WHAMM: variants seen among roughly 807,000 people sequenced by gnomAD.
WHAMM encodes the protein WASP homolog associated with actin, golgi membranes and microtubules.
A neutral mutation model predicts 76.5 loss-of-function variants in WHAMM; 67 were observed. That is an observed-to-expected ratio of 0.88 (90% CI 0.72 to 1.07). The LOEUF is 1.07. WHAMM is among the 50% of genes least tolerant of loss of function. The pLI, the probability that WHAMM is intolerant of heterozygous loss-of-function variation, is 0.00. For missense variants in WHAMM, 1,021 were observed against 1,051.1 expected, an observed-to-expected ratio of 0.97 and a Z score of 0.40; for synonymous variants, 419 against 422.1, an observed-to-expected ratio of 0.99 and a Z score of 0.09.
chr15:82,827,522 T>C (rs938303993), intron 8 of WHAMM, among the ~76,000 whole-genome samples: 1 of 152,226 alleles, frequency 6.6e-6, no homozygotes, highest in African/African-American at 2.4e-5. Flanking sequence ...CACATAATCA[T>C]TGTACATATT....
In WHAMM at chr15:82,834,439, G is replaced by C. The variant is rs1221523798; in HGVS notation, c.*903G>C. ...CATAGGTGGGATGTCAAGACCCATC[G>C]GAAGTGTCGCTGGCCTAAGAGAAGA... On this transcript the variant is annotated 3_prime_UTR_variant, in exon 10 of 10. Coordinates refer to ENST00000286760, the MANE Select transcript of WHAMM (RefSeq NM_001080435.3). The C allele has an allele frequency of 6.6e-6, 1 of 152,584 alleles. No individual in the cohort carries two copies. Among genetic ancestry groups the C allele is most frequent in the Non-Finnish European group, 1.5e-5 (1 of 68,052 alleles). 9.5% of individuals were successfully genotyped at this position (152,584 alleles called of 1,614,324 possible). A position where few individuals can be genotyped will look rare whatever the true frequency, so the allele number is the denominator to read the frequency against.
intron 6 of WHAMM, 127 bp from the exon 7 acceptor site, chr15:82,826,283 G>C (rs114512914): frequency 7.7e-6 from 7 of 912,062 alleles, no homozygotes; most frequent in Non-Finnish European, 1.7e-6. Context: ...CCATTGGGCC[G>C]CTCCAGAACT....
At chr15:82,825,091 C>T (rs28539127) in intron 6 of WHAMM, among the ~76,000 whole-genome samples, 18,534 of 152,134 alleles carry the variant, frequency 0.12, 1,492 homozygotes, top group East Asian at 0.39. Context: ...TACCACTGCA[C>T]TTCAGCTGGG....
chr15:82,822,788 T>TA (rs1332330933), intron 5 of WHAMM, among the ~76,000 whole-genome samples: 1 of 151,720 alleles, frequency 6.6e-6, no homozygotes. Flanking sequence ...ACTCCATTGA[T>TA]ATGTGTAGCT....
chr15:82,809,736 G>T lies in WHAMM; in HGVS notation c.10G>T (p.Glu4Ter). 3 of 1,527,386 alleles carry T rather than the reference G, an allele frequency of 2.0e-6. No individual in the cohort carries two copies. In the South Asian group the frequency reaches 3.7e-5, roughly 19 times the overall value. The allele number at this position is 1,527,386 out of a possible 1,614,324, so 94.6% of individuals were successfully genotyped here. Reference sequence around the variant, plus strand: ...GCTGCTGCCGACAGCCATGGAGGACGAGCAGCCTGACAGCCTGGAGGGCTG... The same window carrying T: ...GCTGCTGCCGACAGCCATGGAGGACTAGCAGCCTGACAGCCTGGAGGGCTG... MED[E>*]QPDSLEGWVP... is the part of the protein sequence containing the mutation. Residue 4 changes from glutamate to a stop codon, truncating the protein, a stop_gained, in exon 1 of 10, where the codon GAG becomes TAG. Transcript: ENST00000286760. LOFTEE classifies it high-confidence loss of function.
intron 8 of WHAMM, among the ~76,000 whole-genome samples, chr15:82,828,969 G>T (rs1437931320): frequency 6.6e-6 from 1 of 152,184 alleles, no homozygotes; most frequent in Non-Finnish European, 1.5e-5. Context: ...AGGGAGTTCT[G>T]TGTTTACCAA....
At chr15:82,821,106 G>A (rs1299661673) in intron 5 of WHAMM, among the ~76,000 whole-genome samples, 2 of 152,038 alleles carry the variant, frequency 1.3e-5, no homozygotes, top group Non-Finnish European at 2.9e-5. Context: ...TTTATGAAAT[G>A]CCTATTCATA....
At position 82,810,171 on chromosome 15, in the gene WHAMM, C is replaced by T; in HGVS notation, c.445C>T (p.Leu149=). 2.1e-6 allele frequency: 3 copies of T among 1,402,626 alleles called. No individual in the cohort carries two copies. Among genetic ancestry groups the T allele is most frequent in the Non-Finnish European group, 1.9e-6 (2 of 1,074,098 alleles). The allele number at this position is 1,402,626 out of a possible 1,614,324, so 86.9% of individuals were successfully genotyped here. The change falls in exon 1 of 10, where the codon CTG becomes TTG. Residue 149 remains leucine, a synonymous_variant. Coordinates refer to ENST00000286760, the MANE Select transcript of WHAMM (RefSeq NM_001080435.3). ...EAALQELCGQ[L]ERYLGAAADG... is the part of the protein sequence containing the mutation. Reference sequence around the variant, plus strand: ...GGCGCTGCAGGAGCTGTGCGGGCAGCTGGAACGCTATCTGGGCGCGGCGGC... The same window carrying T: ...GGCGCTGCAGGAGCTGTGCGGGCAGTTGGAACGCTATCTGGGCGCGGCGGC...
chr15:82,814,020 C>G (rs1004337753), intron 2 of WHAMM, among the ~76,000 whole-genome samples: 1 of 152,014 alleles, frequency 6.6e-6, no homozygotes, highest in African/African-American at 2.4e-5. Context: ...TAAGGACTTA[C>G]GCAGATTTCT....
At chr15:82,822,277 A>G (rs1347433545) in intron 5 of WHAMM, among the ~76,000 whole-genome samples, 2 of 152,238 alleles carry the variant, frequency 1.3e-5, no homozygotes, top group African/African-American at 2.4e-5. Context: ...CAAGATCCTT[A>G]AATATTTATC....
chr15:82,816,899 A>C, intron 3 of WHAMM, 57 bp downstream of exon 3: 1 of 1,505,712 alleles, frequency 6.6e-7, no homozygotes, highest in Non-Finnish European at 8.9e-7. Context: ...CATTTTATTC[A>C]AATACCATTT....
Position 82,826,425 on chromosome 15 carries a change from A to C in WHAMM, c.1474A>C (p.Asn492His), listed in dbSNP as rs769594107. Residue 492 changes from asparagine (N) to histidine (H), a missense_variant, in exon 7 of 10, where the codon AAT becomes CAT. Asn to His is a moderately conservative substitution (Grantham distance 68). This residue lies in a region of WHAMM where 509 missense variants were observed against 492.3 expected (regional missense o/e 1.03). Coordinates refer to ENST00000286760, the MANE Select transcript of WHAMM (RefSeq NM_001080435.3). ...LRSRKDQCKE[N>H]HRFRLQQAEE... ...ATTCCACCAGGATCAGTGCAAAGAA[A>C]ATCATCGGTTCAGATTGCAACAGGC... 2 of 1,613,950 alleles carry C rather than the reference A, an allele frequency of 1.2e-6. No homozygotes were observed. Among genetic ancestry groups the C allele is most frequent in the Admixed American group, 3.3e-5 (2 of 60,012 alleles).
rs2050736009 is a variant in WHAMM, at chr15:82,816,856, A to G, written c.934+14A>G. The G allele has an allele frequency of 1.3e-6, 2 of 1,550,478 alleles. No homozygotes were observed. The highest frequency in any genetic ancestry group is 1.4e-5 in the African/African-American group (1 of 72,962). On this transcript the variant is annotated intron_variant, in intron 3 of 9. Coordinates refer to ENST00000286760, the MANE Select transcript of WHAMM (RefSeq NM_001080435.3). ...AAGCATTAGCAGGTGATAATTTAAA[A>G]AATGCTATATGAAGATACATGTAAT...
At position 82,809,833 on chromosome 15, in the gene WHAMM, G is replaced by C. The variant is rs2050593547; in HGVS notation, c.107G>C (p.Gly36Ala). 1.2e-6 allele frequency: 2 copies of C among 1,605,286 alleles called. No homozygotes were observed. The highest frequency in any genetic ancestry group is 2.2e-5 in the South Asian group (2 of 90,304). Reference sequence around the variant, plus strand: ...CTGCGCTTCCTGGTGGCCTGGAACGGCGCGGAGGGCAAGTTCGCTGTGACT... The same window carrying C: ...CTGCGCTTCCTGGTGGCCTGGAACGCCGCGGAGGGCAAGTTCGCTGTGACT... ...HRLRFLVAWN[G>A]AEGKFAVTCH... is the part of the protein sequence containing the mutation. The change falls in exon 1 of 10, where the codon GGC becomes GCC. Residue 36 changes from glycine (G) to alanine (A), a missense_variant. Transcript: ENST00000286760.
chr15:82,815,111 T>TTATATATACATATATA (rs2050699073), intron 2 of WHAMM, among the ~76,000 whole-genome samples: 1 of 49,608 alleles, frequency 2.0e-5, no homozygotes, highest in Non-Finnish European at 3.5e-5. Context: ...CTCACAGATT[T>TTATATATACATATATA]TATATATATA....
Position 82,833,321 on chromosome 15 carries a change from A to G in WHAMM, c.2215A>G (p.Ile739Val), listed in dbSNP as rs758570876. The G allele has an allele frequency of 1.5e-5, 24 of 1,614,042 alleles. No homozygotes were observed. Among genetic ancestry groups the G allele is most frequent in the South Asian group, 3.3e-5 (3 of 91,076 alleles). The change falls in exon 10 of 10, where the codon ATC becomes GTC. Residue 739 changes from isoleucine (I) to valine (V), a missense_variant. By Grantham distance (29) the Ile-to-Val change is conservative (BLOSUM62 3). Coordinates refer to ENST00000286760, the MANE Select transcript of WHAMM (RefSeq NM_001080435.3). ...GGCGGTGCGCCCTCCCCACGCCTCAATCAATGAGCACATTCTGGCTGCCAT... is the reference window on the plus strand; with the variant it reads ...GGCGGTGCGCCCTCCCCACGCCTCAGTCAATGAGCACATTCTGGCTGCCAT... ...VPAVRPPHAS[I>V]NEHILAAIRQ...
chr15:82,820,466 C>A (rs1473390087), intron 5 of WHAMM, among the ~76,000 whole-genome samples: 1 of 152,110 alleles, frequency 6.6e-6, no homozygotes, highest in Non-Finnish European at 1.5e-5. Context: ...GGGTCAAGGG[C>A]AATGTATATT....
intron 2 of WHAMM, 150 bp from the exon 3 acceptor site, chr15:82,816,542 C>T (rs1403808868): frequency 6.4e-5 from 43 of 674,392 alleles, no homozygotes; most frequent in Admixed American, 1.7e-4. Context: ...CTTATTCATA[C>T]GCAGTAAGGG....
chr15:82,823,212 C>G lies in WHAMM; in HGVS notation c.1383C>G (p.Leu461=), dbSNP rs1183397784. 2 of 1,588,626 alleles carry G rather than the reference C, an allele frequency of 1.3e-6. No homozygotes were observed. The highest frequency in any genetic ancestry group is 1.7e-6 in the Non-Finnish European group (2 of 1,164,966). ...QDDKNLEVKE[L]RRQCQQLESK... is the part of the protein sequence containing the mutation. ...ATAAGAATTTGGAAGTGAAAGAACT[C>G]AGAAGGCAGTGCCAGCAGCTGGAGT... is the stretch of plus-strand genomic sequence containing the variant. The change falls in exon 6 of 10, where the codon CTC becomes CTG. Residue 461 remains leucine, a synonymous_variant. Coordinates refer to ENST00000286760, the MANE Select transcript of WHAMM (RefSeq NM_001080435.3).
Sources: gnomAD v4.1 joint callset for allele counts (sites outside exome capture counted in the v4.1 genomes callset) on GRCh38, gnomAD v4.1.1 for gene constraint, gnomAD v4.1.1 regional missense constraint, MANE v1.5 for transcripts, NCBI Gene and HGNC (gene_info 2026-07-23, HGNC 2026-07-21) for gene names.